Variants in FBXL2 observed in about 807,000 individuals in gnomAD.
FBXL2 encodes F-box and leucine rich repeat protein 2.
FBXL2 carries 38 observed loss-of-function variants against 69.2 expected under a neutral mutation model. The ratio of observed to expected loss-of-function variants is 0.55; its 90% CI spans 0.42 to 0.72. The LOEUF (loss-of-function observed/expected upper bound fraction) is 0.72, where lower values mean the gene tolerates loss of function less well. FBXL2 is among the 30% of genes least tolerant of loss of function. FBXL2 has a pLI of 0.00. For missense variants in FBXL2, 354 were observed against 520.3 expected (o/e 0.68, Z 3.11); for synonymous variants, 192 against 201.3 (o/e 0.95, Z 0.39).
intron 12 of FBXL2, chr3:33,397,346 A>G: frequency 2.5e-6 from 1 of 402,608 alleles, no homozygotes; most frequent in Non-Finnish European, 4.4e-6. Flanking sequence ...ATCAAGAAGG[A>G]GCTTAGAAGT....
the FBXL2 span, among the ~76,000 whole-genome samples, chr3:33,411,309 C>T: frequency 6.6e-6 from 1 of 152,078 alleles, no homozygotes; most frequent in South Asian, 2.1e-4. Flanking sequence ...AAGAGAAATA[C>T]ATCTCATGAA....
intron 1 of FBXL2, among the ~76,000 whole-genome samples, chr3:33,281,149 G>A (rs963980882): frequency 7.9e-5 from 12 of 151,922 alleles, no homozygotes; most frequent in Non-Finnish European, 1.8e-4. Context: ...TGCTGTACCC[G>A]TTGTCATTTA....
At chr3:33,412,846 A>G in the FBXL2 span, 2 of 1,551,474 alleles carry the variant, frequency 1.3e-6, no homozygotes, top group Non-Finnish European at 1.8e-6. Context: ...TAAGTGCGGA[A>G]AATGAGTACT....
At chr3:33,397,659 T>A in intron 12 of FBXL2, 1 of 152,218 alleles carries the variant, frequency 6.6e-6, no homozygotes, top group African/African-American at 2.4e-5. Context: ...ATGTTAAATT[T>A]TATAACATAA....
intron 5 of FBXL2, among the ~76,000 whole-genome samples, chr3:33,365,502 A>T (rs1232631264): frequency 1.3e-5 from 2 of 151,198 alleles, no homozygotes; most frequent in Non-Finnish European, 2.9e-5. Flanking sequence ...CTGGTCTTGA[A>T]CTCCTGAGCT....
chr3:33,282,738 A>T (rs552777255), intron 1 of FBXL2, among the ~76,000 whole-genome samples: 16 of 152,294 alleles, frequency 1.1e-4, no homozygotes, highest in Admixed American at 3.3e-4. Context: ...AGTGGTTTAT[A>T]GTTCTCCTTT....
At chr3:33,283,250 A>G (rs538411389) in intron 1 of FBXL2, among the ~76,000 whole-genome samples, 1 of 152,324 alleles carries the variant, frequency 6.6e-6, no homozygotes, top group African/African-American at 2.4e-5. Flanking sequence ...GAGAGTTTTT[A>G]GCAAGAAGGG....
At chr3:33,419,566 T>C in the FBXL2 span, among the ~76,000 whole-genome samples, 2 of 146,066 alleles carry the variant, frequency 1.4e-5, no homozygotes, top group African/African-American at 5.2e-5. Context: ...AGGCGGAGGT[T>C]GCGGTGAGCC....
intron 2 of FBXL2, among the ~76,000 whole-genome samples, chr3:33,349,495 T>C (rs982867259): frequency 1.2e-4 from 18 of 152,310 alleles, no homozygotes; most frequent in African/African-American, 4.3e-4. Context: ...TGTTGTTGAA[T>C]TTGGTTTGTT....
rs571851944 is a variant in FBXL2 at position 33,337,557 on chromosome 3, A to T, written c.66-21410A>T. ...TATTCATGGAAGGATAAATTGGCAC[A>T]ACTGTTATAGTTTAGAAAACTTTTA... is the stretch of plus-strand genomic sequence containing the variant. On this transcript the variant is annotated intron_variant, in intron 2 of 14. Transcript: ENST00000484457. 3.3e-5 allele frequency among the ~76,000 whole-genome samples: 5 copies of T among 152,226 alleles called. No homozygotes were observed. The South Asian group carries it at 1.0e-3, about 31-fold the overall frequency.
chr3:33,364,068 T>A (rs1206282368), intron 4 of FBXL2, among the ~76,000 whole-genome samples: 2 of 152,246 alleles, frequency 1.3e-5, no homozygotes, highest in African/African-American at 4.8e-5. Context: ...TTCTTTTTGC[T>A]TCCTCTAATA....
intron 2 of FBXL2, among the ~76,000 whole-genome samples, chr3:33,352,631 C>T (rs1477851755): frequency 1.3e-5 from 2 of 152,208 alleles, no homozygotes; most frequent in Admixed American, 6.5e-5. Context: ...CTCTGTGGCT[C>T]ACGCCTGTAA....
downstream of FBXL2, among the ~76,000 whole-genome samples, chr3:33,405,634 C>CT (rs2154056797): frequency 6.6e-6 from 1 of 152,214 alleles, no homozygotes; most frequent in African/African-American, 2.4e-5. Flanking sequence ...GGGGATCAGC[C>CT]TGAGGAACAC....
chr3:33,344,086 CA>C (rs1164612287), intron 2 of FBXL2, among the ~76,000 whole-genome samples: 1 of 144,002 alleles, frequency 6.9e-6, no homozygotes, highest in Non-Finnish European at 1.5e-5. Flanking sequence ...GAAAAAAATA[CA>C]AAAAAAGATA....
chr3:33,363,625 G>A (rs1172124753), intron 4 of FBXL2, among the ~76,000 whole-genome samples: 3 of 152,126 alleles, frequency 2.0e-5, no homozygotes, highest in African/African-American at 4.8e-5. Flanking sequence ...ATTAATAGTC[G>A]TGCTTGGATT....
At chr3:33,314,151 A>G (rs1161394951) in intron 2 of FBXL2, among the ~76,000 whole-genome samples, 2 of 152,110 alleles carry the variant, frequency 1.3e-5, no homozygotes, top group Non-Finnish European at 2.9e-5. Flanking sequence ...ATAAATAAAG[A>G]TTGAATATAT....
chr3:33,402,784 T>A, intron 12 of FBXL2: 1 of 1,517,912 alleles, frequency 6.6e-7, no homozygotes, highest in Non-Finnish European at 8.8e-7. Flanking sequence ...AGGCACACGA[T>A]CACACAAACT....
intron 12 of FBXL2, among the ~76,000 whole-genome samples, chr3:33,395,814 G>A (rs1207877755): frequency 1.4e-5 from 2 of 138,802 alleles, no homozygotes; most frequent in Non-Finnish European, 1.5e-5. Flanking sequence ...TTGTTAAGCT[G>A]CCAGTGTTAT....
At chr3:33,363,734 C>T (rs913958793) in intron 4 of FBXL2, among the ~76,000 whole-genome samples, 7 of 152,148 alleles carry the variant, frequency 4.6e-5, no homozygotes, top group African/African-American at 1.4e-4. Flanking sequence ...TCTTTCTTAC[C>T]TCCATTTTGG....
Sources: allele counts gnomAD v4.1 joint callset (sites outside exome capture counted in the v4.1 genomes callset), GRCh38; gene constraint gnomAD v4.1.1; transcripts MANE v1.5; gene names NCBI Gene and HGNC (gene_info 2026-07-23, HGNC 2026-07-21).